TTLL6: variants seen among roughly 807,000 people sequenced by gnomAD.
TTLL6 encodes tubulin tyrosine ligase like 6.
In TTLL6, 75 loss-of-function variants were observed where a neutral mutation model predicts 96.4. The ratio of observed to expected loss-of-function variants is 0.78; its 90% CI spans 0.65 to 0.94. TTLL6 has a LOEUF of 0.94. Ranked by LOEUF, TTLL6 falls within the 40% of genes least tolerant of loss-of-function variation. The pLI, the probability that TTLL6 is intolerant of heterozygous loss-of-function variation, is 0.00. For synonymous variants in TTLL6, 411 were observed against 419.4 expected, an observed-to-expected ratio of 0.98 and a Z score of 0.24; for missense variants, 1,030 against 1,093.0, an observed-to-expected ratio of 0.94 and a Z score of 0.81.
intron 8 of TTLL6, chr17:48,794,094 C>T: frequency 1.3e-6 from 2 of 1,546,596 alleles, no homozygotes; most frequent in Non-Finnish European, 1.8e-6. Context: ...CACGGCTGCT[C>T]CAGGAGAGAG....
chr17:48,816,245 C>A (rs1375953453), intron 1 of TTLL6, among the ~76,000 whole-genome samples: 1 of 152,018 alleles, frequency 6.6e-6, no homozygotes, highest in African/African-American at 2.4e-5. Context: ...GAGTTCGAGA[C>A]CAGCCTGGGC....
intron 8 of TTLL6, chr17:48,794,236 C>G (rs752713511): frequency 3.7e-6 from 6 of 1,614,014 alleles, no homozygotes; most frequent in Non-Finnish European, 5.1e-6. Flanking sequence ...ACCCCTCCAT[C>G]ACAGCCGAGG....
intron 1 of TTLL6, among the ~76,000 whole-genome samples, chr17:48,811,864 A>C (rs563349501): frequency 2.0e-5 from 3 of 151,950 alleles, no homozygotes; most frequent in East Asian, 3.9e-4. Context: ...TGCCGGCCTA[A>C]TTATTTTTGC....
chr17:48,767,930 G>A (rs955775892), intron 15 of TTLL6, among the ~76,000 whole-genome samples: 2 of 152,108 alleles, frequency 1.3e-5, no homozygotes, highest in African/African-American at 4.8e-5. Context: ...TAGACCAGGC[G>A]GCATAGCTTG....
Position 48,786,154 on chromosome 17 carries a change from C to T in TTLL6, c.1761+10G>A, listed in dbSNP as rs746061470. 6.2e-7 allele frequency: 1 copy of T among 1,614,140 alleles called. No homozygotes were observed. The highest frequency in any genetic ancestry group is 1.7e-5 in the Admixed American group (1 of 60,030). ...TGTGGCTACGTGTGTTCCCCTCAAT[C>T]CAGGTTTACCTGTTTGGAGGCTTGG... On this transcript the variant is annotated intron_variant, in intron 12 of 15. Coordinates refer to ENST00000393382, the MANE Select transcript of TTLL6 (RefSeq NM_001130918.3).
chr17:48,801,111 C>A, intron 5 of TTLL6, 144 bp downstream of exon 5: 1 of 740,776 alleles, frequency 1.3e-6, no homozygotes. Flanking sequence ...TGGACACACC[C>A]TTTATCCCTT....
At chr17:48,780,317 A>G (rs2038962100) in intron 13 of TTLL6, among the ~76,000 whole-genome samples, 1 of 152,066 alleles carries the variant, frequency 6.6e-6, no homozygotes, top group African/African-American at 2.4e-5. Context: ...AAATGCTGGC[A>G]TTACAGATGG....
At position 48,803,902 on chromosome 17, in the gene TTLL6, C is replaced by T. The variant is rs200981988; in HGVS notation, c.350G>A (p.Arg117Gln). ...ATGTAGATGCTCACCACTCTCATAC[C>T]GGCAGCTGGATAGATTGATCACCAA... Reference protein sequence around the residue: ...KRLVINLSSCRYESVRRAAQQ... With the variant: ...KRLVINLSSCQYESVRRAAQQ... Residue 117 changes from arginine to glutamine, a missense_variant, in exon 3 of 16, where the codon CGG becomes CAG. Transcript: ENST00000393382. 534 of 1,551,920 alleles carry T rather than the reference C, an allele frequency of 3.4e-4. 2 individuals are homozygous for T. Among genetic ancestry groups the T allele is most frequent in the Admixed American group, 1.4e-4 (7 of 51,000 alleles).
chr17:48,778,574 T>C (rs967001471), intron 13 of TTLL6, among the ~76,000 whole-genome samples: 33 of 150,616 alleles, frequency 2.2e-4, no homozygotes, highest in African/African-American at 7.3e-4. Context: ...GGTGGGAGGA[T>C]TGCTTGAGCC....
intron 15 of TTLL6, among the ~76,000 whole-genome samples, chr17:48,766,350 GGACA>G (rs1340628229): frequency 6.6e-6 from 1 of 152,162 alleles, no homozygotes; most frequent in African/African-American, 2.4e-5. Flanking sequence ...TAGTATGATT[GGACA>G]GACAAAAAGG....
chr17:48,805,073 C>T (rs1294225299), intron 1 of TTLL6, 82 bp from the exon 2 acceptor site: 1 of 1,138,394 alleles, frequency 8.8e-7, no homozygotes, highest in South Asian at 1.4e-5. Context: ...GGGTAGAGAC[C>T]CAGGGTTCTA....
At chr17:48,799,815 G>C (rs2039379531) in intron 5 of TTLL6, 55 bp from the exon 6 acceptor site, 2 of 1,475,200 alleles carry the variant, frequency 1.4e-6, no homozygotes, top group South Asian at 2.4e-5. Flanking sequence ...CAATGAAAAG[G>C]AAGGCTAGCC....
In TTLL6 at chr17:48,804,966, G is replaced by C. The variant is rs1168674559; in HGVS notation, c.129C>G (p.Ser43=). 6.4e-7 allele frequency: 1 copy of C among 1,551,658 alleles called. No homozygotes were observed. The highest frequency in any genetic ancestry group is 2.4e-5 in the East Asian group (1 of 40,910). Residue 43 remains serine, a synonymous_variant, in exon 2 of 16, where the codon TCC becomes TCG. Transcript: ENST00000393382. ...IAGAWYFPRA[S]SQAREMPQCP... is the part of the protein sequence containing the mutation. ...ACTGTGGCATCTCCCTGGCCTGGGA[G>C]GAGGCTCTGGGGAAATACCAGGCCC...
At chr17:48,812,900 C>T (rs1420879943) in intron 1 of TTLL6, among the ~76,000 whole-genome samples, 1 of 152,172 alleles carries the variant, frequency 6.6e-6, no homozygotes, top group Non-Finnish European at 1.5e-5. Context: ...AACCTTGGGT[C>T]CTTCTCATAT....
At chr17:48,784,345 C>A (rs1284444609) in intron 13 of TTLL6, among the ~76,000 whole-genome samples, 1 of 151,944 alleles carries the variant, frequency 6.6e-6, no homozygotes, top group Admixed American at 6.6e-5. Flanking sequence ...GCAGAGGTTG[C>A]AGTGAGCGGA....
intron 1 of TTLL6, among the ~76,000 whole-genome samples, chr17:48,816,382 C>A (rs185577687): frequency 1.3e-5 from 2 of 150,550 alleles, no homozygotes; most frequent in African/African-American, 4.9e-5. Context: ...GCTTTCAAAA[C>A]GTTAGCTCCC....
intron 1 of TTLL6, 118 bp from the exon 2 acceptor site, chr17:48,805,109 T>C: frequency 1.2e-6 from 1 of 801,562 alleles, no homozygotes; most frequent in Non-Finnish European, 2.0e-6. Flanking sequence ...TTGCAGTTTA[T>C]AAAATGCCAC....
At position 48,794,087 on chromosome 17, in the gene TTLL6, G is replaced by A. The variant is rs776578190; in HGVS notation, c.998+1974C>T. 65 of 1,509,210 alleles carry A rather than the reference G, an allele frequency of 4.3e-5. 2 individuals are homozygous for A. In the Middle Eastern group the frequency reaches 5.5e-4, roughly 13 times the overall value. The allele number at this position is 1,509,210 out of a possible 1,614,324, so 93.5% of individuals were successfully genotyped here. A position where few individuals can be genotyped will look rare whatever the true frequency, so the allele number is the denominator to read the frequency against. ...GCAGGCGGAGGCCACGGGGGCACAC[G>A]GCTGCTCCAGGAGAGAGTGGATGGA... On this transcript the variant is annotated intron_variant, in intron 8 of 15. Transcript: ENST00000393382.
chr17:48,789,679 T>C (rs1478811498), intron 10 of TTLL6, among the ~76,000 whole-genome samples: 1 of 152,086 alleles, frequency 6.6e-6, no homozygotes, highest in Admixed American at 6.5e-5. Context: ...CTCAGTCTCC[T>C]GAGTAGCTGG....
Sources: gnomAD v4.1 joint callset for allele counts (sites outside exome capture counted in the v4.1 genomes callset) on GRCh38, gnomAD v4.1.1 for gene constraint, MANE v1.5 for transcripts, NCBI Gene and HGNC (gene_info 2026-07-23, HGNC 2026-07-21) for gene names.